CA12: variants seen among roughly 807,000 people sequenced by gnomAD.
The protein encoded by CA12 is carbonic anhydrase 12, also known as carbonate dehydratase XII.
CA12 carries 36 observed loss-of-function variants against 46.8 expected under a neutral mutation model. The ratio of observed to expected loss-of-function variants is 0.77; its 90% CI spans 0.59 to 1.02. The LOEUF is 1.02. Among genes scored for constraint, CA12 ranks in the 50% least tolerant of loss-of-function variants. The pLI is 0.00. For synonymous variants in CA12, 202 were observed against 187.0 expected (o/e 1.08, Z -0.65); for missense variants, 436 against 451.4 (o/e 0.97, Z 0.31).
chr15:63,379,249 G>T (rs1296895736), intron 1 of CA12, among the ~76,000 whole-genome samples: 1 of 152,202 alleles, frequency 6.6e-6, no homozygotes, highest in Non-Finnish European at 1.5e-5. Flanking sequence ...GGGCTCAGGA[G>T]CTGGAGGGCT....
Position 63,340,712 on chromosome 15 carries a change from C to G in CA12, c.589+8G>C. The G allele has an allele frequency of 6.2e-7, 1 of 1,613,278 alleles. No homozygotes were observed. The highest frequency in any genetic ancestry group is 8.5e-7 in the Non-Finnish European group (1 of 1,179,198). ...CAGAGAGTGAATATGCATGCAAGGA[C>G]CCCTCACCTTTGTACTTTACATGTT... is the stretch of plus-strand genomic sequence containing the variant. On this transcript the variant is annotated splice_region_variant and intron_variant, in intron 6 of 10. Transcript: ENST00000178638. The surrounding 1 kb of genome is among the most constrained non-coding windows in gnomAD (Gnocchi z 4.4).
rs1271521409 is a variant in CA12, at chr15:63,323,004, T to A, written c.*3281A>T. 1 of 152,240 alleles carries A rather than the reference T, an allele frequency of 6.6e-6. No homozygotes were observed. The highest frequency in any genetic ancestry group is 1.5e-5 in the Non-Finnish European group (1 of 68,040). 9.4% of individuals were successfully genotyped at this position (152,240 alleles called of 1,614,324 possible). On this transcript the variant is annotated 3_prime_UTR_variant, in exon 11 of 11. Coordinates refer to ENST00000178638, the MANE Select transcript of CA12 (RefSeq NM_001218.5). The surrounding 1 kb of genome is among the most constrained non-coding windows in gnomAD (Gnocchi z 5.1). ...TAACCTTTACTGGACTGCCTCTTTT[T>A]GCCCCAGTCAGAATGTGAAGTCTGG...
rs1245366116 is a variant in CA12 at position 63,381,712 on chromosome 15, C to T, written c.9G>A (p.Arg3=). The T allele has an allele frequency of 6.2e-7, 1 of 1,603,340 alleles. No individual in the cohort carries two copies. Among genetic ancestry groups the T allele is most frequent in the Non-Finnish European group, 8.5e-7 (1 of 1,175,006 alleles). The change falls in exon 1 of 11, where the codon CGG becomes CGA. Residue 3 remains arginine, a synonymous_variant. Coordinates refer to ENST00000178638, the MANE Select transcript of CA12 (RefSeq NM_001218.5). The part of the protein sequence containing the change: MP[R]RSLHAAAVLL... Reference sequence around the variant, plus strand: ...GCACGGCCGCCGCGTGCAGGCTGCGCCGGGGCATCTTCGCGGGCTCCTGCG... The same window carrying T: ...GCACGGCCGCCGCGTGCAGGCTGCGTCGGGGCATCTTCGCGGGCTCCTGCG...
chr15:63,331,573 T>C lies in CA12; in HGVS notation c.875-3443A>G, dbSNP rs1329605216. The C allele has an allele frequency of 6.6e-6, 1 of 152,056 alleles. No individual in the cohort carries two copies. Among genetic ancestry groups the C allele is most frequent in the Non-Finnish European group, 1.5e-5 (1 of 68,026 alleles). The allele number at this position is 152,056 out of a possible 1,614,324, so 9.4% of individuals were successfully genotyped here. ...CTGGCTGGTAAGAGGGTGCACACCA[T>C]GAGGACGTGGGAGAGCCGCCTGTTC... is the stretch of plus-strand genomic sequence containing the variant. On this transcript the variant is annotated intron_variant, in intron 8 of 10. Transcript: ENST00000178638. This position sits in a 1 kb window ranked among gnomAD's most constrained non-coding sequence, Gnocchi z 5.3.
chr15:63,353,868 A>AT (rs1417529778), intron 2 of CA12, among the ~76,000 whole-genome samples: 1 of 152,208 alleles, frequency 6.6e-6, no homozygotes, highest in Non-Finnish European at 1.5e-5. Flanking sequence ...TTTTAAAAAC[A>AT]TGTTTAAAAT....
chr15:63,341,784 C>A lies in CA12; in HGVS notation c.525+218G>T, dbSNP rs762493197. ...GTTGGGGCCCGTTTTTCCAACGGAC[C>A]AAAGAACATTCCCCATTTCTGCTGC... On this transcript the variant is annotated intron_variant, in intron 5 of 10. Transcript: ENST00000178638. The surrounding 1 kb of genome is among the most constrained non-coding windows in gnomAD (Gnocchi z 5.2). 6.6e-6 allele frequency among the ~76,000 whole-genome samples: 1 copy of A among 152,186 alleles called. No individual in the cohort carries two copies. The highest frequency in any genetic ancestry group is 1.5e-5 in the Non-Finnish European group (1 of 68,036).
At position 63,372,880 on chromosome 15, in the gene CA12, G is replaced by A. The variant is rs1310181746; in HGVS notation, c.106+2778C>T. Among the ~76,000 whole-genome samples, 1 of 152,208 alleles carries A rather than the reference G, an allele frequency of 6.6e-6. No individual in the cohort carries two copies. The highest frequency in any genetic ancestry group is 1.5e-5 in the Non-Finnish European group (1 of 68,040). On this transcript the variant is annotated intron_variant, in intron 2 of 10. Coordinates refer to ENST00000178638, the MANE Select transcript of CA12 (RefSeq NM_001218.5). The surrounding 1 kb of genome is among the most constrained non-coding windows in gnomAD (Gnocchi z 4.5). ...AGACTTGCCTTTGTGCTTACCCCAT[G>A]CATGTCCATGCATCATTAGACTCTG...
chr15:63,340,623 C>T lies in CA12; in HGVS notation c.589+97G>A, dbSNP rs1402116490. On this transcript the variant is annotated intron_variant, in intron 6 of 10. Coordinates refer to ENST00000178638, the MANE Select transcript of CA12 (RefSeq NM_001218.5). The surrounding 1 kb of genome is among the most constrained non-coding windows in gnomAD (Gnocchi z 4.4). ...CTGCTCTTAACCTGGTGAACACAGA[C>T]AGCACCTGCCCCTTGTGTTTGCTTT... 1 of 1,415,812 alleles carries T rather than the reference C, an allele frequency of 7.1e-7. No individual in the cohort carries two copies. Among genetic ancestry groups the T allele is most frequent in the African/African-American group, 1.4e-5 (1 of 70,848 alleles). The allele number at this position is 1,415,812 out of a possible 1,614,324, so 87.7% of individuals were successfully genotyped here. A position where few individuals can be genotyped will look rare whatever the true frequency, so the allele number is the denominator to read the frequency against.
At chr15:63,381,564 A>C (rs2039645379) in intron 1 of CA12, 72 bp downstream of exon 1, 2 of 1,240,408 alleles carry the variant, frequency 1.6e-6, no homozygotes, top group Non-Finnish European at 2.3e-6. Flanking sequence ...TTACTTTATC[A>C]TTGAAGAGCC....
At chr15:63,364,619 G>A (rs186303073) in intron 2 of CA12, among the ~76,000 whole-genome samples, 16 of 152,280 alleles carry the variant, frequency 1.1e-4, no homozygotes, top group Admixed American at 4.6e-4. Context: ...CTCTTGCCTC[G>A]CAGTGTGCCG....
chr15:63,356,047 C>A (rs1309030258), intron 2 of CA12, among the ~76,000 whole-genome samples: 2 of 152,080 alleles, frequency 1.3e-5, no homozygotes, highest in African/African-American at 4.8e-5. Flanking sequence ...CAGTGTTGAC[C>A]ATCAGAAACA....
rs1319867096 is a variant in CA12, at chr15:63,328,480, C to A, written c.875-350G>T. Among the ~76,000 whole-genome samples, 1 of 151,582 alleles carries A rather than the reference C, an allele frequency of 6.6e-6. No individual in the cohort carries two copies. Among genetic ancestry groups the A allele is most frequent in the Non-Finnish European group, 1.5e-5 (1 of 67,948 alleles). On this transcript the variant is annotated intron_variant, in intron 8 of 10. Coordinates refer to ENST00000178638, the MANE Select transcript of CA12 (RefSeq NM_001218.5). The surrounding 1 kb of genome is among the most constrained non-coding windows in gnomAD (Gnocchi z 5.9). ...TCTCCCAAGTAGCTGGGATTACAAG[C>A]ACCTGCCACCACACCCAGCTAATTT...
At chr15:63,336,292 A>G (rs148514756) in intron 8 of CA12, among the ~76,000 whole-genome samples, 7 of 152,244 alleles carry the variant, frequency 4.6e-5, no homozygotes, top group Non-Finnish European at 8.8e-5. Context: ...GCCCCACTAC[A>G]AGCAGCTGCT....
At chr15:63,333,165 T>C (rs1044386717) in intron 8 of CA12, among the ~76,000 whole-genome samples, 3 of 152,188 alleles carry the variant, frequency 2.0e-5, no homozygotes, top group African/African-American at 2.4e-5. Context: ...ATCAAGTGTG[T>C]GTACTTGAAA....
intron 2 of CA12, among the ~76,000 whole-genome samples, chr15:63,371,747 C>T (rs149312270): frequency 1.6e-4 from 25 of 152,338 alleles, no homozygotes; most frequent in East Asian, 7.7e-4. Context: ...TGAAACACCA[C>T]GCCCATTCTC....
At chr15:63,370,158 T>G (rs2039484614) in intron 2 of CA12, among the ~76,000 whole-genome samples, 1 of 152,172 alleles carries the variant, frequency 6.6e-6, no homozygotes, top group African/African-American at 2.4e-5. Flanking sequence ...GAATTCAGTG[T>G]GCTGGTATGA....
At position 63,340,474 on chromosome 15, in the gene CA12, T is replaced by A; in HGVS notation, c.590-29A>T. On this transcript the variant is annotated intron_variant, in intron 6 of 10. Coordinates refer to ENST00000178638, the MANE Select transcript of CA12 (RefSeq NM_001218.5). The surrounding 1 kb of genome is among the most constrained non-coding windows in gnomAD (Gnocchi z 4.4). Reference sequence around the variant, plus strand: ...GAGAGACATGTTGCAGAGGTGATAGTGTCAGCCTCCCTCCGTAGGGCATAA... The same window carrying A: ...GAGAGACATGTTGCAGAGGTGATAGAGTCAGCCTCCCTCCGTAGGGCATAA... The A allele has an allele frequency of 6.2e-7, 1 of 1,613,930 alleles. No homozygotes were observed. The highest frequency in any genetic ancestry group is 8.5e-7 in the Non-Finnish European group (1 of 1,179,814).
rs2038862309 is a variant in CA12 at position 63,326,101 on chromosome 15, G to C, written c.*184C>G. 1.6e-6 allele frequency: 1 copy of C among 622,186 alleles called. No individual in the cohort carries two copies. Among genetic ancestry groups the C allele is most frequent in the Non-Finnish European group, 2.9e-6 (1 of 342,348 alleles). 38.5% of individuals were successfully genotyped at this position (622,186 alleles called of 1,614,324 possible). A position where few individuals can be genotyped will look rare whatever the true frequency, so the allele number is the denominator to read the frequency against. ...GAGAGTGCATCCCATCCATCGATCGGATGGCTCTGGGGTGGCCATGGTCCC... is the reference window on the plus strand; with the variant it reads ...GAGAGTGCATCCCATCCATCGATCGCATGGCTCTGGGGTGGCCATGGTCCC... On this transcript the variant is annotated 3_prime_UTR_variant, in exon 11 of 11. Coordinates refer to ENST00000178638, the MANE Select transcript of CA12 (RefSeq NM_001218.5).
rs1188052147 is a variant in CA12, at chr15:63,323,905, C to T, written c.*2380G>A. 3 of 152,174 alleles carry T rather than the reference C, an allele frequency of 2.0e-5. No individual in the cohort carries two copies. Among genetic ancestry groups the T allele is most frequent in the African/African-American group, 4.8e-5 (2 of 41,446 alleles). The allele number at this position is 152,174 out of a possible 1,614,324, so 9.4% of individuals were successfully genotyped here. On this transcript the variant is annotated 3_prime_UTR_variant, in exon 11 of 11. Transcript: ENST00000178638. This position sits in a 1 kb window ranked among gnomAD's most constrained non-coding sequence, Gnocchi z 5.1. ...CATGAGTGAGAATCCAGGGCCTTCC[C>T]CTCTGGCCCTGGCCCCAGCCTGGGC...
Sources: gnomAD v4.1 joint callset for allele counts (sites outside exome capture counted in the v4.1 genomes callset) on GRCh38, gnomAD v4.1.1 for gene constraint, Gnocchi (gnomAD v3.1) non-coding constraint, MANE v1.5 for transcripts, NCBI Gene and HGNC (gene_info 2026-07-23, HGNC 2026-07-21) for gene names.